The following CIP2A variants were observed in gnomAD, a reference collection of about 807,000 sequenced individuals.
CIP2A encodes cellular inhibitor of PP2A.
Under a neutral mutation model 110.9 loss-of-function variants are expected in CIP2A, and 103 were observed. The ratio of observed to expected loss-of-function variants is 0.93; its 90% CI spans 0.79 to 1.09. The LOEUF (loss-of-function observed/expected upper bound fraction) is 1.09. Ranked by LOEUF, CIP2A falls within the 50% of genes least tolerant of loss-of-function variation. The pLI, the probability that CIP2A is intolerant of heterozygous loss-of-function variation, is 0.00. For synonymous variants in CIP2A, 381 were observed against 361.6 expected (o/e 1.05, Z -0.61); for missense variants, 1,088 against 1,038.4 (o/e 1.05, Z -0.66).
Position 108,559,957 on chromosome 3 carries a change from T to A in CIP2A, c.1899A>T (p.Leu633Phe). Residue 633 changes from leucine to phenylalanine, a missense_variant, in exon 15 of 21, where the codon TTA becomes TTT. Coordinates refer to ENST00000295746, the MANE Select transcript of CIP2A (RefSeq NM_020890.3). ...GTTAAAATAAGCTTATACTCACAGC[T>A]AATGTGGATAGTTTCATTTCATATA... The part of the protein sequence containing the change: ...MDVYEMKLST[L>F]ASKESRLQDL... The A allele has an allele frequency of 6.3e-7, 1 of 1,594,294 alleles. No individual in the cohort carries two copies. Among genetic ancestry groups the A allele is most frequent in the East Asian group, 2.2e-5 (1 of 44,674 alleles).
At chr3:108,562,016 AC>A (rs1196869994) in intron 13 of CIP2A, among the ~76,000 whole-genome samples, 1 of 152,148 alleles carries the variant, frequency 6.6e-6, no homozygotes, top group African/African-American at 2.4e-5. Context: ...GAGCAGCTTT[AC>A]AGACCACTTT....
rs1348719315 is a variant in CIP2A at position 108,582,163 on chromosome 3, T to A, written c.397A>T (p.Ile133Phe). ...TCTATATTGGCACCAGAATAGAAAATTTTGACATTATATGTTAACTTCTGT... is the reference window on the plus strand; with the variant it reads ...TCTATATTGGCACCAGAATAGAAAAATTTGACATTATATGTTAACTTCTGT... Reference protein sequence around the residue: ...LLQKLTYNVKIFYSGANIDEL... With the variant: ...LLQKLTYNVKFFYSGANIDEL... Residue 133 changes from isoleucine (I) to phenylalanine (F), a missense_variant, in exon 4 of 21, where the codon ATT (isoleucine) becomes TTT (phenylalanine). Coordinates refer to ENST00000295746, the MANE Select transcript of CIP2A (RefSeq NM_020890.3). The A allele has an allele frequency of 6.7e-7, 1 of 1,500,112 alleles. No individual in the cohort carries two copies. Among genetic ancestry groups the A allele is most frequent in the Non-Finnish European group, 9.2e-7 (1 of 1,091,804 alleles). The allele number at this position is 1,500,112 out of a possible 1,614,324, so 92.9% of individuals were successfully genotyped here.
rs1446507247 is a variant in CIP2A at position 108,559,979 on chromosome 3, T to A, written c.1877A>T (p.Tyr626Phe). ...AGCTAATGTGGATAGTTTCATTTCA[T>A]ATACATCCATTATGTCAGATATTCT... ...DVRISDIMDVYEMKLSTLASK... is the reference protein window; with the variant it reads ...DVRISDIMDVFEMKLSTLASK... Residue 626 changes from tyrosine (Y) to phenylalanine (F), a missense_variant, in exon 15 of 21, where the codon TAT becomes TTT. By Grantham distance (22) the Tyr-to-Phe change is conservative. Transcript: ENST00000295746. 6.2e-7 allele frequency: 1 copy of A among 1,602,690 alleles called. No homozygotes were observed. The highest frequency in any genetic ancestry group is 1.7e-5 in the Admixed American group (1 of 59,904).
chr3:108,582,207 G>A lies in CIP2A; in HGVS notation c.358-5C>T. On this transcript the variant is annotated splice_region_variant and splice_polypyrimidine_tract_variant and intron_variant, in intron 3 of 20. Transcript: ENST00000295746. ...CTTCTGTAGAAGTTGAATGCACTGA[G>A]AATAAGAAAATAGTTATAAATATAA... is the stretch of plus-strand genomic sequence containing the variant. 8.2e-7 allele frequency: 1 copy of A among 1,214,312 alleles called. No homozygotes were observed. The highest frequency in any genetic ancestry group is 1.2e-6 in the Non-Finnish European group (1 of 850,198). The allele number at this position is 1,214,312 out of a possible 1,614,324, so 75.2% of individuals were successfully genotyped here. A position where few individuals can be genotyped will look rare whatever the true frequency, so the allele number is the denominator to read the frequency against.
intron 1 of CIP2A, chr3:108,585,847 GT>G: frequency 4.5e-6 from 2 of 448,124 alleles, no homozygotes; most frequent in Admixed American, 4.9e-5. Flanking sequence ...TTATTCCATT[GT>G]TTTTTTTACT....
chr3:108,588,065 C>A (rs1272126434), intron 1 of CIP2A, among the ~76,000 whole-genome samples: 3 of 152,056 alleles, frequency 2.0e-5, no homozygotes, highest in Non-Finnish European at 4.4e-5. Context: ...GGTGTAAGCC[C>A]CTGTGCCTTA....
intron 5 of CIP2A, among the ~76,000 whole-genome samples, chr3:108,580,314 G>T (rs1306889903): frequency 6.6e-6 from 1 of 152,120 alleles, no homozygotes; most frequent in Non-Finnish European, 1.5e-5. Flanking sequence ...CATATAGATA[G>T]CCACAATCTT....
chr3:108,589,089 T>C (rs138465050), intron 1 of CIP2A, among the ~76,000 whole-genome samples, 185 bp downstream of exon 1: 47 of 152,322 alleles, frequency 3.1e-4, no homozygotes, highest in Middle Eastern at 3.4e-3. Context: ...CAGTGAGCGC[T>C]CTTGCCTCTC....
At chr3:108,573,013 GGTATTAAAT>G (rs1938451055) in intron 8 of CIP2A, among the ~76,000 whole-genome samples, 1 of 151,924 alleles carries the variant, frequency 6.6e-6, no homozygotes, top group Admixed American at 6.6e-5. Flanking sequence ...ATCTTGAATA[GGTATTAAAT>G]TTTATCAAAT....
At chr3:108,587,584 A>G (rs1255975917) in intron 1 of CIP2A, among the ~76,000 whole-genome samples, 1 of 152,174 alleles carries the variant, frequency 6.6e-6, no homozygotes, top group Non-Finnish European at 1.5e-5. Flanking sequence ...AAAAACTATC[A>G]AACTCTTCAC....
In CIP2A at chr3:108,575,757, TATATATAC is replaced by T. The variant is rs1209398913; in HGVS notation, c.894+506_894+513del. ...GTGTATATATACTCATATACATGTGTATATATACGTGTATATATACTCATATACATGTG... is the reference window on the plus strand; with the variant it reads ...GTGTATATATACTCATATACATGTGTGTGTATATATACTCATATACATGTG... On this transcript the variant is annotated intron_variant, in intron 8 of 20. Coordinates refer to ENST00000295746, the MANE Select transcript of CIP2A (RefSeq NM_020890.3). Among the ~76,000 whole-genome samples, 61 of 56,398 alleles carry T rather than the reference TATATATAC, an allele frequency of 1.1e-3. 19 individuals carry two copies. Among genetic ancestry groups the T allele is most frequent in the African/African-American group, 3.5e-3 (56 of 16,056 alleles). The allele number at this position is 56,398 out of a possible 152,430, so 37.0% of individuals were successfully genotyped here. A position where few individuals can be genotyped will look rare whatever the true frequency, so the allele number is the denominator to read the frequency against.
chr3:108,558,185 C>T (rs1937877867), intron 16 of CIP2A, among the ~76,000 whole-genome samples: 1 of 152,002 alleles, frequency 6.6e-6, no homozygotes, highest in Non-Finnish European at 1.5e-5. Flanking sequence ...CACTAATGTT[C>T]TTTCTTGTAA....
chr3:108,566,467 C>T, intron 11 of CIP2A, 30 bp downstream of exon 11: 1 of 1,565,822 alleles, frequency 6.4e-7, no homozygotes, highest in Non-Finnish European at 8.6e-7. Context: ...TACTGCCTTG[C>T]CATTTTGTCA....
chr3:108,572,143 CT>C (rs1938421350), intron 8 of CIP2A, among the ~76,000 whole-genome samples: 1 of 151,950 alleles, frequency 6.6e-6, no homozygotes, highest in African/African-American at 2.4e-5. Context: ...CATTCTTTGA[CT>C]TTTCATTCTT....
At chr3:108,588,857 C>A (rs1939195020) in intron 1 of CIP2A, among the ~76,000 whole-genome samples, 1 of 152,166 alleles carries the variant, frequency 6.6e-6, no homozygotes, top group African/African-American at 2.4e-5. Flanking sequence ...CAAGTAAGAG[C>A]AGTAAGCAAC....
chr3:108,569,946 TA>T (rs1226875967), intron 8 of CIP2A, among the ~76,000 whole-genome samples: 4 of 151,960 alleles, frequency 2.6e-5, no homozygotes, highest in African/African-American at 9.7e-5. Context: ...AAAAAAACCC[TA>T]AAAAATAAAA....
At chr3:108,574,580 C>T (rs1406519905) in intron 8 of CIP2A, 2 of 152,690 alleles carry the variant, frequency 1.3e-5, no homozygotes, top group Non-Finnish European at 2.9e-5. Context: ...CAAAAGAACA[C>T]CAATTGTGCT....
chr3:108,582,319 T>A (rs967188743), intron 3 of CIP2A, 117 bp from the exon 4 acceptor site: 7 of 453,160 alleles, frequency 1.5e-5, no homozygotes, highest in African/African-American at 1.0e-4. Flanking sequence ...ACAATTTTTT[T>A]AAAAAACACA....
rs758534919 is a variant in CIP2A, at chr3:108,589,261, C to G, written c.102+13G>C. ...GGGAAGCCCCATCTGTCCTCTACCCCAGAGCCTCTCACCTCCAAGTGCCGC... is the reference window on the plus strand; with the variant it reads ...GGGAAGCCCCATCTGTCCTCTACCCGAGAGCCTCTCACCTCCAAGTGCCGC... On this transcript the variant is annotated intron_variant, in intron 1 of 20. Coordinates refer to ENST00000295746, the MANE Select transcript of CIP2A (RefSeq NM_020890.3). 1 of 1,605,558 alleles carries G rather than the reference C, an allele frequency of 6.2e-7. No homozygotes were observed. Among genetic ancestry groups the G allele is most frequent in the Admixed American group, 1.7e-5 (1 of 59,992 alleles).
Sources: allele counts gnomAD v4.1 joint callset (sites outside exome capture counted in the v4.1 genomes callset), GRCh38; gene constraint gnomAD v4.1.1; transcripts MANE v1.5; gene names NCBI Gene and HGNC (gene_info 2026-07-23, HGNC 2026-07-21).